Variants in SEC24A observed in about 807,000 individuals in gnomAD.
The protein encoded by SEC24A is protein transport protein Sec24A.
Under a neutral mutation model 129.4 loss-of-function variants are expected in SEC24A, and 93 were observed. The ratio of observed to expected loss-of-function variants is 0.72; its 90% CI spans 0.61 to 0.85. The LOEUF (loss-of-function observed/expected upper bound fraction) is 0.85, where lower values mean the gene tolerates loss of function less well. SEC24A is among the 40% of genes least tolerant of loss of function. The pLI, the probability that SEC24A is intolerant of heterozygous loss-of-function variation, is 0.00. For synonymous variants in SEC24A, 460 were observed against 467.3 expected (o/e 0.98, Z 0.20); for missense variants, 1,264 against 1,307.4 (o/e 0.97, Z 0.51).
At chr5:134,681,692 T>C (rs1285953259) in intron 8 of SEC24A, among the ~76,000 whole-genome samples, 1 of 152,130 alleles carries the variant, frequency 6.6e-6, no homozygotes, top group Non-Finnish European at 1.5e-5. Context: ...GCATAGGGAT[T>C]TGAATTTCTA....
intron 8 of SEC24A, among the ~76,000 whole-genome samples, chr5:134,680,187 T>G (rs1561813941): frequency 6.6e-6 from 1 of 152,156 alleles, no homozygotes; most frequent in Admixed American, 6.6e-5. Flanking sequence ...AGGAGGAGAT[T>G]TCTCTCAATA....
Position 134,705,428 on chromosome 5 carries a change from GC to G in SEC24A, c.2544del (p.Asn849IlefsTer8). 1.3e-6 allele frequency: 2 copies of G among 1,596,088 alleles called. No homozygotes were observed. The highest frequency in any genetic ancestry group is 1.7e-6 in the Non-Finnish European group (2 of 1,164,542). ...ADVQAISGLL[A>X]NMAVDRSMTA... is the part of the protein sequence containing the mutation. ...TGTTCAAGCAATTTCAGGGTTATTG[GC>G]CAATATGGGTAAGAGTTGTTATCTG... On this transcript the variant is annotated frameshift_variant, in exon 17 of 23. Coordinates refer to ENST00000398844, the MANE Select transcript of SEC24A (RefSeq NM_021982.3). LOFTEE classifies it high-confidence loss of function.
At chr5:134,663,972 A>G (rs182109598) in intron 2 of SEC24A, among the ~76,000 whole-genome samples, 139 of 152,182 alleles carry the variant, frequency 9.1e-4, no homozygotes, top group African/African-American at 3.3e-3. Flanking sequence ...TTAGCCAAGT[A>G]TGGTGGCACG....
At chr5:134,667,100 A>G (rs1460214164) in intron 3 of SEC24A, 104 bp downstream of exon 3, 1 of 1,086,494 alleles carries the variant, frequency 9.2e-7, no homozygotes, top group African/African-American at 1.7e-5. Flanking sequence ...TTTTCCAGAA[A>G]ATCTAGTTTT....
In SEC24A at chr5:134,674,630, C is replaced by A. The variant is rs774163336; in HGVS notation, c.833C>A (p.Thr278Asn). 18 of 1,613,424 alleles carry A rather than the reference C, an allele frequency of 1.1e-5. No individual in the cohort carries two copies. The highest frequency in any genetic ancestry group is 1.5e-5 in the Non-Finnish European group (18 of 1,179,682). The change falls in exon 5 of 23, where the codon ACT (threonine) becomes AAT (asparagine). Residue 278 changes from threonine to asparagine, a missense_variant. Coordinates refer to ENST00000398844, the MANE Select transcript of SEC24A (RefSeq NM_021982.3). ...TTGTTTCTAGCAACACCACAGCTTA[C>A]TAACAAGAATCCCAAAATGAGCCGA... ...GGGLLATPQLTNKNPKMSRSV... is the reference protein window; with the variant it reads ...GGGLLATPQLNNKNPKMSRSV...
intron 11 of SEC24A, among the ~76,000 whole-genome samples, chr5:134,689,420 C>T (rs1751558061): frequency 6.6e-6 from 1 of 152,142 alleles, no homozygotes; most frequent in Non-Finnish European, 1.5e-5. Flanking sequence ...AAGGTGGAAA[C>T]ACCCCAAGTA....
chr5:134,653,471 G>C (rs1024543629), intron 1 of SEC24A, among the ~76,000 whole-genome samples: 4 of 151,796 alleles, frequency 2.6e-5, no homozygotes, highest in African/African-American at 9.7e-5. Flanking sequence ...GGATGGTCTT[G>C]AACTCCTGGA....
chr5:134,681,293 G>A (rs1410710875), intron 8 of SEC24A, among the ~76,000 whole-genome samples: 3 of 151,770 alleles, frequency 2.0e-5, no homozygotes, highest in Admixed American at 1.3e-4. Context: ...CCAGCTACTC[G>A]GGAGGCTGAG....
chr5:134,674,721 T>G lies in SEC24A; in HGVS notation c.924T>G (p.Thr308=). The G allele has an allele frequency of 6.2e-7, 1 of 1,614,072 alleles. No homozygotes were observed. The highest frequency in any genetic ancestry group is 8.5e-7 in the Non-Finnish European group (1 of 1,179,964). Reference sequence around the variant, plus strand: ...AGAACACAACACCACCTGGTGCAACTGGAGTACCACCCTCTTCCTTGAATT... The same window carrying G: ...AGAACACAACACCACCTGGTGCAACGGGAGTACCACCCTCTTCCTTGAATT... ...GYQNTTPPGA[T]GVPPSSLNYP... Residue 308 remains threonine (T), a synonymous_variant, in exon 5 of 23, where the codon ACT becomes ACG. Transcript: ENST00000398844.
intron 3 of SEC24A, among the ~76,000 whole-genome samples, chr5:134,670,663 A>G (rs1750823670): frequency 6.6e-6 from 1 of 152,268 alleles, no homozygotes; most frequent in Admixed American, 6.5e-5. Context: ...TCATCTTCAA[A>G]TTAATTTGGA....
chr5:134,666,248 G>A (rs1220013621), intron 2 of SEC24A, among the ~76,000 whole-genome samples: 1 of 151,034 alleles, frequency 6.6e-6, no homozygotes, highest in Non-Finnish European at 1.5e-5. Context: ...GCCTGGTAGG[G>A]GAGAGTTAGA....
At chr5:134,722,721 T>C (rs1752658791) in intron 21 of SEC24A, among the ~76,000 whole-genome samples, 1 of 152,202 alleles carries the variant, frequency 6.6e-6, no homozygotes, top group South Asian at 2.1e-4. Flanking sequence ...TCGTAGAAAA[T>C]TGTGTTCCCA....
In SEC24A at chr5:134,695,451, A is replaced by T. The variant is rs375167695; in HGVS notation, c.1986+1518A>T. Among the ~76,000 whole-genome samples the T allele has an allele frequency of 2.0e-5, 3 of 151,912 alleles. No individual in the cohort carries two copies. The South Asian group carries it at 6.3e-4, about 32-fold the overall frequency. On this transcript the variant is annotated intron_variant, in intron 13 of 22. Transcript: ENST00000398844. ...CGGATAACCTGAGGTCAGGAGTTCGAGACCAGCCTGGCCAACACGACGAAA... is the reference window on the plus strand; with the variant it reads ...CGGATAACCTGAGGTCAGGAGTTCGTGACCAGCCTGGCCAACACGACGAAA...
intron 3 of SEC24A, among the ~76,000 whole-genome samples, chr5:134,669,566 C>T (rs541532735): frequency 6.5e-4 from 99 of 151,772 alleles, no homozygotes; most frequent in African/African-American, 2.2e-3. Flanking sequence ...AACCTCCGCT[C>T]CCGGGTTCAC....
chr5:134,670,646 A>C (rs535960608), intron 3 of SEC24A, among the ~76,000 whole-genome samples: 2 of 152,182 alleles, frequency 1.3e-5, no homozygotes, highest in African/African-American at 4.8e-5. Context: ...GTTCTAATTC[A>C]TTTATGTCAT....
chr5:134,663,956 C>T (rs987518940), intron 2 of SEC24A, among the ~76,000 whole-genome samples: 16 of 152,100 alleles, frequency 1.1e-4, no homozygotes, highest in Non-Finnish European at 1.9e-4. Context: ...ACTAAAAATA[C>T]AAAAATTAGC....
intron 15 of SEC24A, among the ~76,000 whole-genome samples, chr5:134,699,301 C>CTTTTTTTTTTTTTTTTTTTTTTTTTTTTT (rs1208203003): frequency 7.2e-6 from 1 of 138,374 alleles, no homozygotes; most frequent in African/African-American, 2.8e-5. Flanking sequence ...CCATTTTATC[C>CTTTTTTTTTTTTTTTTTTTTTTTTTTTTT]TTTTTTTTTT....
chr5:134,675,298 A>G, intron 6 of SEC24A, 81 bp downstream of exon 6: 1 of 1,014,696 alleles, frequency 9.9e-7, no homozygotes, highest in Admixed American at 2.4e-5. Context: ...GTTATGAATA[A>G]GCTGTACAAA....
At chr5:134,716,234 G>A (rs951947021) in intron 19 of SEC24A, among the ~76,000 whole-genome samples, 18 of 151,612 alleles carry the variant, frequency 1.2e-4, no homozygotes, top group African/African-American at 3.9e-4. Context: ...AGGCTGAGGC[G>A]GGTGGATCAG....
Sources: gnomAD v4.1 joint callset for allele counts (sites outside exome capture counted in the v4.1 genomes callset) on GRCh38, gnomAD v4.1.1 for gene constraint, MANE v1.5 for transcripts, NCBI Gene and HGNC (gene_info 2026-07-23, HGNC 2026-07-21) for gene names.